RP1: variants seen among roughly 807,000 people sequenced by gnomAD.
RP1 encodes the protein oxygen-regulated protein 1.
RP1 carries 16 observed loss-of-function variants against 14.8 expected under a neutral mutation model. That is an observed-to-expected ratio of 1.08 (90% CI 0.73 to 1.65). The LOEUF is 1.65. Among genes scored for constraint, RP1 ranks in the 40% most tolerant of loss-of-function variants. The pLI, the probability that RP1 is intolerant of heterozygous loss-of-function variation, is 0.00. For synonymous variants in RP1, 876 were observed against 883.6 expected (o/e 0.99, Z 0.15); for missense variants, 2,631 against 2,535.0 (o/e 1.04, Z -0.81).
chr8:54,846,646 T>C (rs928089198), intron 25 of RP1, among the ~76,000 whole-genome samples: 1 of 152,216 alleles, frequency 6.6e-6, no homozygotes, highest in Non-Finnish European at 1.5e-5. Flanking sequence ...ACACTTCCAG[T>C]ATAGAGTTGA....
intron 26 of RP1, among the ~76,000 whole-genome samples, chr8:54,856,840 T>C (rs1812211733): frequency 6.6e-6 from 1 of 152,212 alleles, no homozygotes; most frequent in Non-Finnish European, 1.5e-5. Context: ...GCAAGAATTA[T>C]ATTCTACATG....
chr8:54,703,964 G>C (rs1808090475), intron 14 of RP1, among the ~76,000 whole-genome samples: 1 of 152,136 alleles, frequency 6.6e-6, no homozygotes, highest in Admixed American at 6.6e-5. Flanking sequence ...TTGCTCTTGG[G>C]GTTAGGCTTT....
chr8:54,598,047 C>G (rs1167006157), intron 1 of RP1, among the ~76,000 whole-genome samples: 1 of 152,072 alleles, frequency 6.6e-6, no homozygotes, highest in African/African-American at 2.4e-5. Flanking sequence ...CTGCCAACCA[C>G]TAATCTATTC....
chr8:54,673,113 T>C (rs1807214347), intron 7 of RP1, among the ~76,000 whole-genome samples: 1 of 152,210 alleles, frequency 6.6e-6, no homozygotes, highest in South Asian at 2.1e-4. Context: ...AAAATAGTCT[T>C]ATTATGTGTC....
At chr8:54,675,972 T>C (rs529859790) in intron 8 of RP1, among the ~76,000 whole-genome samples, 1 of 152,282 alleles carries the variant, frequency 6.6e-6, no homozygotes, top group African/African-American at 2.4e-5. Flanking sequence ...AGGGGCTTCT[T>C]GCTGTGTCCT....
At chr8:54,643,498 G>A (rs1199044642) in intron 3 of RP1, among the ~76,000 whole-genome samples, 1 of 152,174 alleles carries the variant, frequency 6.6e-6, no homozygotes, top group Non-Finnish European at 1.5e-5. Context: ...TGAAGCTTAA[G>A]ATTCATCCAA....
At chr8:54,696,861 G>A in intron 12 of RP1, 2 of 760,164 alleles carry the variant, frequency 2.6e-6, no homozygotes, top group Non-Finnish European at 4.7e-6. Context: ...ATTTTGAAAT[G>A]TGGACAAGCC....
rs73603079 is a variant in RP1, at chr8:54,758,663, G to T, written c.3094-259G>T. Among the ~76,000 whole-genome samples the T allele has an allele frequency of 3.1e-3, 474 of 152,254 alleles. 5 individuals carry two copies. The highest frequency in any genetic ancestry group is 0.011 in the African/African-American group (450 of 41,564). ...TGTTTGTGTTGGGATTTCTTTGTTTGTTACTCTGGATGCTACTACAAATGG... is the reference window on the plus strand; with the variant it reads ...TGTTTGTGTTGGGATTTCTTTGTTTTTTACTCTGGATGCTACTACAAATGG... On this transcript the variant is annotated intron_variant, in intron 21 of 22. Transcript: ENST00000636932.
chr8:54,771,072 T>C (rs992543313), downstream of RP1, among the ~76,000 whole-genome samples: 3 of 152,068 alleles, frequency 2.0e-5, no homozygotes, highest in African/African-American at 7.2e-5. Context: ...GGATGGCTAC[T>C]GAGACATAAA....
intron 1 of RP1, among the ~76,000 whole-genome samples, chr8:54,608,919 G>T (rs1481555437): frequency 1.3e-5 from 2 of 152,202 alleles, no homozygotes; most frequent in Non-Finnish European, 2.9e-5. Flanking sequence ...CACATGGACA[G>T]GATCTGACAG....
At chr8:54,642,758 A>T (rs1325591307) in intron 3 of RP1, among the ~76,000 whole-genome samples, 1 of 152,164 alleles carries the variant, frequency 6.6e-6, no homozygotes, top group Non-Finnish European at 1.5e-5. Context: ...ATTAAAGAAT[A>T]TGTGCATTGT....
chr8:54,574,555 C>A (rs926893166), intron 1 of RP1, among the ~76,000 whole-genome samples: 4 of 151,842 alleles, frequency 2.6e-5, no homozygotes, highest in African/African-American at 9.7e-5. Context: ...GAGATGTAGC[C>A]CTAAATTTGT....
At chr8:54,571,927 C>T (rs1168017084) in intron 1 of RP1, among the ~76,000 whole-genome samples, 1 of 152,182 alleles carries the variant, frequency 6.6e-6, no homozygotes, top group African/African-American at 2.4e-5. Flanking sequence ...CTAATCACCT[C>T]ATCTTAACTT....
At chr8:54,571,699 T>C (rs1257928940) in intron 1 of RP1, among the ~76,000 whole-genome samples, 2 of 152,194 alleles carry the variant, frequency 1.3e-5, no homozygotes, top group East Asian at 3.9e-4. Context: ...TTCTGGAGGC[T>C]GGAAGTCTGA....
At chr8:54,648,889 T>C in intron 3 of RP1, 1 of 760,134 alleles carries the variant, frequency 1.3e-6, no homozygotes, top group East Asian at 3.2e-5. Context: ...AAGTTTTGTC[T>C]ATCCTGAACT....
chr8:54,818,051 C>T (rs1421824936), intron 24 of RP1, among the ~76,000 whole-genome samples: 2 of 152,100 alleles, frequency 1.3e-5, no homozygotes, highest in East Asian at 3.9e-4. Context: ...TAGATAAAAA[C>T]AGCAAAAAGC....
intron 23 of RP1, among the ~76,000 whole-genome samples, chr8:54,781,607 T>C (rs191408824): frequency 5.3e-5 from 8 of 152,306 alleles, no homozygotes; most frequent in African/African-American, 1.9e-4. Flanking sequence ...GAACTTTTAA[T>C]TTAAATATAA....
chr8:54,609,671 C>T (rs1364548222), intron 1 of RP1, among the ~76,000 whole-genome samples: 1 of 152,150 alleles, frequency 6.6e-6, no homozygotes, highest in African/African-American at 2.4e-5. Flanking sequence ...CCTCCTCCCC[C>T]TCACTCACAC....
At chr8:54,781,478 A>C (rs558112860) in intron 23 of RP1, among the ~76,000 whole-genome samples, 2 of 152,180 alleles carry the variant, frequency 1.3e-5, no homozygotes, top group East Asian at 3.8e-4. Context: ...TTGGCGAAAA[A>C]AGTTTTGCAA....
Sources: gnomAD v4.1 joint callset for allele counts (sites outside exome capture counted in the v4.1 genomes callset) on GRCh38, gnomAD v4.1.1 for gene constraint, MANE v1.5 for transcripts, NCBI Gene and HGNC (gene_info 2026-07-23, HGNC 2026-07-21) for gene names.